DYNC1I1: variants seen among roughly 807,000 people sequenced by gnomAD.
DYNC1I1 encodes cytoplasmic dynein 1 intermediate chain 1.
A neutral mutation model predicts 86.6 loss-of-function variants in DYNC1I1; 43 were observed. The observed-to-expected ratio is 0.50, with a 90% confidence interval of 0.39 to 0.64. The LOEUF (loss-of-function observed/expected upper bound fraction) is 0.64. Ranked by LOEUF, DYNC1I1 falls within the 30% of genes least tolerant of loss-of-function variation. DYNC1I1 has a pLI of 0.00. For synonymous variants in DYNC1I1, 262 were observed against 283.7 expected (o/e 0.92, Z 0.77); for missense variants, 604 against 788.8 (o/e 0.77, Z 2.81).
chr7:95,864,019 A>G (rs1466774229), intron 5 of DYNC1I1, among the ~76,000 whole-genome samples: 1 of 152,242 alleles, frequency 6.6e-6, no homozygotes, highest in Admixed American at 6.5e-5. Context: ...TCCATTGGTA[A>G]TGTACATGTT....
chr7:95,828,055 A>G lies in DYNC1I1; in HGVS notation c.315-2A>G, dbSNP rs1266064328. 1 of 1,613,652 alleles carries G rather than the reference A, an allele frequency of 6.2e-7. No individual in the cohort carries two copies. Among genetic ancestry groups the G allele is most frequent in the Non-Finnish European group, 8.5e-7 (1 of 1,179,776 alleles). ...TCTTTTTCCTTTGTGCTGCACAATT[A>G]GGACCCTGCAGTGGGACACAGACCC... On this transcript the variant is annotated splice_acceptor_variant, in intron 4 of 16. Transcript: ENST00000447467. LOFTEE classifies it high-confidence loss of function.
intron 14 of DYNC1I1, among the ~76,000 whole-genome samples, chr7:96,068,797 G>A (rs1156757227): frequency 6.6e-6 from 1 of 151,452 alleles, no homozygotes; most frequent in Non-Finnish European, 1.5e-5. Context: ...GTGTGTATAT[G>A]TACATATGTA....
rs148282241 is a variant in DYNC1I1, at chr7:95,805,816, C to G, written c.108+979C>G. ...ACCAGAGCTGCTTCCCTATGCAGTT[C>G]TTCTGTAAGGAAAAAGAAAACTTAT... is the stretch of plus-strand genomic sequence containing the variant. On this transcript the variant is annotated intron_variant, in intron 2 of 16. Coordinates refer to ENST00000447467, the MANE Select transcript of DYNC1I1 (RefSeq NM_001135556.2). Among the ~76,000 whole-genome samples the G allele has an allele frequency of 4.8e-3, 728 of 152,256 alleles. 6 individuals carry two copies. The highest frequency in any genetic ancestry group is 0.017 in the African/African-American group (699 of 41,552).
intron 6 of DYNC1I1, among the ~76,000 whole-genome samples, chr7:95,891,566 A>G (rs1418803210): frequency 2.0e-5 from 3 of 152,226 alleles, no homozygotes; most frequent in Non-Finnish European, 4.4e-5. Context: ...ATGTGGGAGA[A>G]TAAGAGAGCT....
At chr7:96,078,825 T>C (rs1273976124) in intron 15 of DYNC1I1, among the ~76,000 whole-genome samples, 1 of 152,172 alleles carries the variant, frequency 6.6e-6, no homozygotes, top group Non-Finnish European at 1.5e-5. Flanking sequence ...GAGTCTATAG[T>C]TGAATCACAG....
chr7:95,806,329 G>A (rs1033171645), intron 2 of DYNC1I1, among the ~76,000 whole-genome samples: 1 of 152,162 alleles, frequency 6.6e-6, no homozygotes. Flanking sequence ...TCCAAATTAT[G>A]CTGTCTGCTT....
intron 7 of DYNC1I1, among the ~76,000 whole-genome samples, chr7:95,978,939 G>C (rs770075645): frequency 1.3e-5 from 2 of 152,118 alleles, no homozygotes; most frequent in African/African-American, 2.4e-5. Context: ...GAGATTACAG[G>C]TGTGTGCCAC....
intron 6 of DYNC1I1, among the ~76,000 whole-genome samples, chr7:95,949,685 A>G (rs981868047): frequency 3.3e-5 from 5 of 152,218 alleles, no homozygotes; most frequent in Non-Finnish European, 4.4e-5. Context: ...AGCTCTCATC[A>G]GTGAGGATTT....
intron 14 of DYNC1I1, among the ~76,000 whole-genome samples, chr7:96,062,705 C>T (rs1021607841): frequency 3.3e-5 from 5 of 152,084 alleles, no homozygotes; most frequent in African/African-American, 1.2e-4. Flanking sequence ...AGTAATTAGC[C>T]TTGAAGGCAG....
chr7:95,991,214 G>C (rs1253800598), intron 9 of DYNC1I1, among the ~76,000 whole-genome samples: 1 of 152,172 alleles, frequency 6.6e-6, no homozygotes, highest in Non-Finnish European at 1.5e-5. Context: ...TCATTAGCCT[G>C]TGTTCAGTGA....
intron 14 of DYNC1I1, among the ~76,000 whole-genome samples, chr7:96,067,340 CT>C (rs1790022074): frequency 6.6e-6 from 1 of 151,866 alleles, no homozygotes; most frequent in African/African-American, 2.4e-5. Context: ...TTTTTCTTCC[CT>C]TATCCCCATT....
intron 14 of DYNC1I1, among the ~76,000 whole-genome samples, chr7:96,052,723 C>G (rs1425831167): frequency 1.3e-5 from 2 of 152,058 alleles, no homozygotes; most frequent in Non-Finnish European, 2.9e-5. Flanking sequence ...GTGACTGGAA[C>G]AGAATAATGA....
chr7:95,832,888 G>A (rs1438652739), intron 5 of DYNC1I1, among the ~76,000 whole-genome samples: 2 of 152,156 alleles, frequency 1.3e-5, no homozygotes, highest in African/African-American at 4.8e-5. Context: ...CAGATGAGTG[G>A]GTCGTGAAAA....
chr7:95,910,026 C>T (rs1480032557), intron 6 of DYNC1I1, among the ~76,000 whole-genome samples: 1 of 152,188 alleles, frequency 6.6e-6, no homozygotes, highest in African/African-American at 2.4e-5. Flanking sequence ...ACTGTTAGGC[C>T]ACTGCAAGAA....
At chr7:95,858,188 G>T (rs893007519) in intron 5 of DYNC1I1, among the ~76,000 whole-genome samples, 1 of 152,212 alleles carries the variant, frequency 6.6e-6, no homozygotes, top group Non-Finnish European at 1.5e-5. Context: ...AGTCATAACT[G>T]ATTTTCCACC....
chr7:95,940,422 C>A (rs1383484449), intron 6 of DYNC1I1, among the ~76,000 whole-genome samples: 7 of 152,140 alleles, frequency 4.6e-5, no homozygotes, highest in Non-Finnish European at 8.8e-5. Context: ...CTCCCCGTCA[C>A]TTTCAGGTAC....
chr7:96,039,000 T>C (rs1788954524), intron 13 of DYNC1I1, among the ~76,000 whole-genome samples: 1 of 152,214 alleles, frequency 6.6e-6, no homozygotes, highest in South Asian at 2.1e-4. Flanking sequence ...TTTGAGGAAT[T>C]CTGCAAAAAG....
At chr7:95,881,053 C>T (rs17487300) in intron 6 of DYNC1I1, among the ~76,000 whole-genome samples, 1 of 151,924 alleles carries the variant, frequency 6.6e-6, no homozygotes, top group Non-Finnish European at 1.5e-5. Flanking sequence ...AATTATGTCA[C>T]GATGTCAGTT....
intron 4 of DYNC1I1, among the ~76,000 whole-genome samples, chr7:95,817,470 A>G (rs139169340): frequency 1.8e-4 from 28 of 152,316 alleles, no homozygotes; most frequent in African/African-American, 6.7e-4. Flanking sequence ...GGATTATACA[A>G]AGTAATGCTC....
Sources: allele counts gnomAD v4.1 joint callset (sites outside exome capture counted in the v4.1 genomes callset), GRCh38; gene constraint gnomAD v4.1.1; transcripts MANE v1.5; gene names NCBI Gene and HGNC (gene_info 2026-07-23, HGNC 2026-07-21).